Variants in AXIN2 observed in about 807,000 individuals in gnomAD.
AXIN2 encodes axin 2, also known as axin-2.
In AXIN2, 21 loss-of-function variants were observed where a neutral mutation model predicts 74.7. The ratio of observed to expected loss-of-function variants is 0.28; its 90% CI spans 0.20 to 0.40. The LOEUF (loss-of-function observed/expected upper bound fraction) is 0.40. Among genes scored for constraint, AXIN2 ranks in the 10% least tolerant of loss-of-function variants. The pLI, the probability that AXIN2 is intolerant of heterozygous loss-of-function variation, is 1.00. For synonymous variants in AXIN2, 532 were observed against 454.9 expected, an observed-to-expected ratio of 1.17 and a Z score of -2.16; for missense variants, 1,144 against 1,111.1, an observed-to-expected ratio of 1.03 and a Z score of -0.42.
At chr17:65,532,578 C>G (rs963837923) in intron 10 of AXIN2, among the ~76,000 whole-genome samples, 9 of 152,178 alleles carry the variant, frequency 5.9e-5, no homozygotes, top group Non-Finnish European at 7.3e-5. Flanking sequence ...CCCCTCCCCA[C>G]TCCAAAGAGA....
chr17:65,543,098 G>A (rs2044066400), intron 3 of AXIN2, among the ~76,000 whole-genome samples: 2 of 152,280 alleles, frequency 1.3e-5, no homozygotes, highest in African/African-American at 2.4e-5. Flanking sequence ...CCTGGCTAAG[G>A]AGTGCATAAA....
At position 65,529,406 on chromosome 17, in the gene AXIN2, AGTCT is replaced by A. The variant is rs950143966; in HGVS notation, c.*566_*569del. 566 of 243,176 alleles carry A rather than the reference AGTCT, an allele frequency of 2.3e-3. 4 individuals carry two copies. The highest frequency in any genetic ancestry group is 0.012 in the African/African-American group (536 of 45,490). The allele number at this position is 243,176 out of a possible 1,614,324, so 15.1% of individuals were successfully genotyped here. A position where few individuals can be genotyped will look rare whatever the true frequency, so the allele number is the denominator to read the frequency against. The stretch of plus-strand genomic sequence containing the variant: ...TCAATGGTAGGGCACCATTTTAAAA[AGTCT>A]GTCTAAAACAGTCTGTCTTCACTTG... On this transcript the variant is annotated 3_prime_UTR_variant, in exon 11 of 11. Transcript: ENST00000307078.
intron 8 of AXIN2, 135 bp from the exon 9 acceptor site, chr17:65,535,856 A>C: frequency 1.2e-6 from 1 of 806,124 alleles, no homozygotes; most frequent in South Asian, 1.5e-5. Context: ...AGACCCAACC[A>C]AGACCCTGGG....
chr17:65,534,578 T>C (rs1220856573), intron 9 of AXIN2, among the ~76,000 whole-genome samples: 1 of 152,084 alleles, frequency 6.6e-6, no homozygotes, highest in Non-Finnish European at 1.5e-5. Context: ...ATGGGGGTTA[T>C]CACACAGTCA....
At chr17:65,537,150 G>T (rs2043940105) in intron 6 of AXIN2, 87 bp from the exon 7 acceptor site, 2 of 1,554,884 alleles carry the variant, frequency 1.3e-6, no homozygotes, top group Admixed American at 1.8e-5. Flanking sequence ...CAAGTCGGGG[G>T]GCTGGTGACA....
In AXIN2 at chr17:65,558,401, G is replaced by C. The variant is rs2044307035; in HGVS notation, c.220C>G (p.Pro74Ala). ...AAGGACTTGGTCCACCGGGTCAGAG[G>C]GGAATCCGGAGATGCCCGCCCCTCC... ...EPEGRASPDS[P>A]LTRWTKSLHS... Residue 74 changes from proline to alanine, a missense_variant, in exon 2 of 11, where the codon CCT (proline) becomes GCT (alanine). Transcript: ENST00000307078. 4 of 1,605,622 alleles carry C rather than the reference G, an allele frequency of 2.5e-6. No individual in the cohort carries two copies. Among genetic ancestry groups the C allele is most frequent in the Non-Finnish European group, 3.4e-6 (4 of 1,174,118 alleles).
At chr17:65,556,629 T>C (rs4791169) in intron 2 of AXIN2, among the ~76,000 whole-genome samples, 145,183 of 152,184 alleles carry the variant, frequency 0.95, 69,467 homozygotes, top group Middle Eastern at 0.97. Flanking sequence ...CAACTCTCTC[T>C]GCCGCCCCTA....
intron 7 of AXIN2, 144 bp downstream of exon 7, chr17:65,536,725 C>T: frequency 1.4e-6 from 2 of 1,432,304 alleles, no homozygotes; most frequent in Non-Finnish European, 2.0e-6. Flanking sequence ...TTGTGGTCTG[C>T]TCAGTCCAAC....
At chr17:65,537,146 G>A in intron 6 of AXIN2, 83 bp from the exon 7 acceptor site, 4 of 1,559,298 alleles carry the variant, frequency 2.6e-6, no homozygotes, top group Admixed American at 1.8e-5. Context: ...TCAGCAAGTC[G>A]GGGGGCTGGT....
intron 3 of AXIN2, among the ~76,000 whole-genome samples, chr17:65,546,046 C>T (rs1296018720): frequency 2.0e-5 from 3 of 150,906 alleles, no homozygotes; most frequent in Non-Finnish European, 4.4e-5. Context: ...CCCTCTCTCC[C>T]TCTCCCCCCC....
chr17:65,552,225 G>A (rs1281970152), intron 2 of AXIN2, among the ~76,000 whole-genome samples: 1 of 152,110 alleles, frequency 6.6e-6, no homozygotes. Flanking sequence ...TTGAGAAGGG[G>A]GACTCTCTGT....
intron 3 of AXIN2, among the ~76,000 whole-genome samples, chr17:65,542,048 T>C (rs2077474287): frequency 6.6e-6 from 1 of 152,210 alleles, no homozygotes; most frequent in Admixed American, 6.5e-5. Context: ...CAGGCATTAG[T>C]GAAGCATGCA....
At chr17:65,560,638 G>C (rs1042250471) in intron 1 of AXIN2, 1 of 151,864 alleles carries the variant, frequency 6.6e-6, no homozygotes, top group Non-Finnish European at 1.5e-5. Context: ...GCGCTGGGGA[G>C]GGGGCTCCGG....
At chr17:65,535,418 G>GT (rs1275462378) in intron 9 of AXIN2, among the ~76,000 whole-genome samples, 3 of 152,166 alleles carry the variant, frequency 2.0e-5, no homozygotes, top group Non-Finnish European at 1.5e-5. Flanking sequence ...TTTGATTTGT[G>GT]TATGACCAGA....
chr17:65,537,462 G>A lies in AXIN2; in HGVS notation c.1574C>T (p.Pro525Leu), dbSNP rs749576519. ...HHHYIHHHAV[P>L]KTKEEIEAEA... ...CGCCTCGATCTCCTCCTTGGTCTTG[G>A]GGACGGCATGGTGGTGGATGTAGTG... The change falls in exon 6 of 11, where the codon CCC (proline) becomes CTC (leucine). Residue 525 changes from proline to leucine, a missense_variant. This residue lies in a region of AXIN2 where 1,053 missense variants were observed against 973.5 expected (regional missense o/e 1.08). Transcript: ENST00000307078. The A allele has an allele frequency of 1.2e-6, 2 of 1,613,928 alleles. No homozygotes were observed. Among genetic ancestry groups the A allele is most frequent in the Non-Finnish European group, 1.7e-6 (2 of 1,180,006 alleles).
chr17:65,546,057 T>A (rs994069007), intron 3 of AXIN2, among the ~76,000 whole-genome samples: 1 of 38,948 alleles, frequency 2.6e-5, no homozygotes, highest in East Asian at 8.6e-4. Context: ...TCTCCCCCCC[T>A]CCCCAGCCCT....
intron 2 of AXIN2, among the ~76,000 whole-genome samples, chr17:65,555,342 G>C (rs1355261953): frequency 2.0e-5 from 3 of 152,180 alleles, no homozygotes; most frequent in Non-Finnish European, 4.4e-5. Flanking sequence ...GCGGGAGAGG[G>C]AAGGGGGGAA....
chr17:65,552,399 G>A (rs758619941), intron 2 of AXIN2, among the ~76,000 whole-genome samples: 1 of 152,248 alleles, frequency 6.6e-6, no homozygotes, highest in African/African-American at 2.4e-5. Flanking sequence ...ATCTGGGTGC[G>A]TAAGTAAGGC....
At chr17:65,554,576 T>C (rs2044240370) in intron 2 of AXIN2, among the ~76,000 whole-genome samples, 1 of 152,246 alleles carries the variant, frequency 6.6e-6, no homozygotes, top group Non-Finnish European at 1.5e-5. Context: ...ATCTTTCCTA[T>C]GGCATCATTT....
Sources: gnomAD v4.1 joint callset for allele counts (sites outside exome capture counted in the v4.1 genomes callset) on GRCh38, gnomAD v4.1.1 for gene constraint, gnomAD v4.1.1 regional missense constraint, MANE v1.5 for transcripts, NCBI Gene and HGNC (gene_info 2026-07-23, HGNC 2026-07-21) for gene names.